Variants in SLC25A26 observed in about 807,000 individuals in gnomAD.
SLC25A26 encodes solute carrier family 25 member 26.
A neutral mutation model predicts 37.8 loss-of-function variants in SLC25A26; 36 were observed. That is an observed-to-expected ratio of 0.95 (90% CI 0.73 to 1.26). SLC25A26 has a LOEUF of 1.26. Among genes scored for constraint, SLC25A26 ranks in the 50% most tolerant of loss-of-function variants. The probability of loss-of-function intolerance (pLI) is 0.00; values close to 1 mark genes in which losing one functional copy is unlikely to be tolerated. For synonymous variants in SLC25A26, 129 were observed against 122.5 expected (o/e 1.05, Z -0.35); for missense variants, 390 against 331.1 (o/e 1.18, Z -1.38).
At chr3:66,285,949 G>C (rs1397301431) in intron 5 of SLC25A26, among the ~76,000 whole-genome samples, 2 of 152,166 alleles carry the variant, frequency 1.3e-5, no homozygotes, top group African/African-American at 4.8e-5. Context: ...TTAATTTTCA[G>C]TTCCCTAATG....
chr3:66,247,643 A>C (rs782154785), intron 3 of SLC25A26, among the ~76,000 whole-genome samples: 2 of 152,310 alleles, frequency 1.3e-5, no homozygotes, highest in Non-Finnish European at 2.9e-5. Context: ...AAATTCAGTT[A>C]TGGTTTAGTA....
chr3:66,157,657 G>A (rs1352724463), intron 1 of SLC25A26, among the ~76,000 whole-genome samples: 1 of 152,142 alleles, frequency 6.6e-6, no homozygotes, highest in Non-Finnish European at 1.5e-5. Context: ...GTGACTCTGA[G>A]CCCTATCTCT....
intron 5 of SLC25A26, among the ~76,000 whole-genome samples, chr3:66,272,759 C>T (rs994335350): frequency 1.3e-5 from 2 of 152,162 alleles, no homozygotes; most frequent in African/African-American, 4.8e-5. Flanking sequence ...TTGACTTCCT[C>T]TCTTCCTATT....
intron 1 of SLC25A26, among the ~76,000 whole-genome samples, chr3:66,202,215 C>T (rs925321716): frequency 1.1e-4 from 16 of 152,110 alleles, no homozygotes; most frequent in African/African-American, 3.9e-4. Context: ...TTTGCAGGGA[C>T]ATGGATAAAG....
At chr3:66,208,872 A>G (rs1416887819) in intron 1 of SLC25A26, among the ~76,000 whole-genome samples, 4,933 of 48,258 alleles carry the variant, frequency 0.1, 441 homozygotes, top group African/African-American at 0.2. Context: ...GGGTGTGTGT[A>G]TATATATATA....
At chr3:66,294,680 A>G (rs551868641) in intron 5 of SLC25A26, among the ~76,000 whole-genome samples, 2 of 152,348 alleles carry the variant, frequency 1.3e-5, no homozygotes, top group South Asian at 4.1e-4. Context: ...TATCAGCATT[A>G]AATAGAACTT....
At chr3:66,180,982 A>G (rs948908236) in intron 1 of SLC25A26, among the ~76,000 whole-genome samples, 2 of 152,212 alleles carry the variant, frequency 1.3e-5, no homozygotes, top group East Asian at 1.9e-4. Flanking sequence ...GAAAAAGGCC[A>G]TGGGAGGACA....
chr3:66,292,903 C>T (rs1270054680), intron 5 of SLC25A26, among the ~76,000 whole-genome samples: 2 of 152,136 alleles, frequency 1.3e-5, no homozygotes, highest in African/African-American at 2.4e-5. Flanking sequence ...TCCATTCTCC[C>T]CGTCACTTTG....
chr3:66,245,266 AAC>A (rs908451426), intron 3 of SLC25A26, among the ~76,000 whole-genome samples: 40 of 150,294 alleles, frequency 2.7e-4, no homozygotes, highest in African/African-American at 8.2e-4. Context: ...AAAAAAAAAA[AAC>A]AAAACCTCAA....
intron 5 of SLC25A26, among the ~76,000 whole-genome samples, chr3:66,289,828 A>G (rs541874870): frequency 6.6e-6 from 1 of 152,324 alleles, no homozygotes; most frequent in South Asian, 2.1e-4. Flanking sequence ...TATGAAATTT[A>G]AAGTAGTTTT....
At chr3:66,182,719 G>GCC (rs2070738140) in intron 1 of SLC25A26, among the ~76,000 whole-genome samples, 1 of 35,942 alleles carries the variant, frequency 2.8e-5, no homozygotes, top group Admixed American at 1.8e-4. Flanking sequence ...TGGGCGGCGG[G>GCC]GGGGGGGGGT....
chr3:66,167,887 C>T (rs1013069160), intron 1 of SLC25A26, among the ~76,000 whole-genome samples: 8 of 152,070 alleles, frequency 5.3e-5, no homozygotes, highest in East Asian at 1.9e-4. Flanking sequence ...GGTGCAGTGG[C>T]TCATGCCTGT....
At chr3:66,338,227 A>G (rs957820042) in intron 5 of SLC25A26, among the ~76,000 whole-genome samples, 2 of 151,954 alleles carry the variant, frequency 1.3e-5, no homozygotes, top group African/African-American at 2.4e-5. Context: ...ATACACCACA[A>G]TTTGTTTAGC....
At chr3:66,225,290 C>T (rs1423157936) in intron 1 of SLC25A26, among the ~76,000 whole-genome samples, 1 of 152,190 alleles carries the variant, frequency 6.6e-6, no homozygotes, top group African/African-American at 2.4e-5. Flanking sequence ...CAGAGGTTCC[C>T]AAAGCTCAGT....
chr3:66,327,566 A>G (rs2075868937), intron 5 of SLC25A26, among the ~76,000 whole-genome samples: 1 of 152,170 alleles, frequency 6.6e-6, no homozygotes, highest in Non-Finnish European at 1.5e-5. Context: ...AACTGTATTC[A>G]TTGCAATGTA....
chr3:66,227,526 A>C (rs1225814770), intron 1 of SLC25A26, among the ~76,000 whole-genome samples: 1 of 152,222 alleles, frequency 6.6e-6, no homozygotes, highest in Non-Finnish European at 1.5e-5. Context: ...TGAAGTTTAC[A>C]CTTTATCCAG....
rs58312800 is a variant in SLC25A26, at chr3:66,315,080, ATTTT to A, written c.454-31270_454-31267del. Among the ~76,000 whole-genome samples, 481 of 119,328 alleles carry A rather than the reference ATTTT, an allele frequency of 4.0e-3. 5 individuals carry two copies. The highest frequency in any genetic ancestry group is 0.013 in the African/African-American group (426 of 32,788). The allele number at this position is 119,328 out of a possible 152,430, so 78.3% of individuals were successfully genotyped here. ...TAAAAACTAGCTCCTGGATTCTTTG[ATTTT>A]TTTTTTTTTTTTTGAAGGGTTTTTC... On this transcript the variant is annotated intron_variant, in intron 5 of 9. Coordinates refer to ENST00000354883, the MANE Select transcript of SLC25A26 (RefSeq NM_001379210.1).
At chr3:66,248,060 G>C (rs1680396) in intron 3 of SLC25A26, among the ~76,000 whole-genome samples, 65,988 of 152,068 alleles carry the variant, frequency 0.43, 15,316 homozygotes, top group African/African-American at 0.58. Flanking sequence ...TAGACAGATT[G>C]GTTAGAAACA....
chr3:66,209,901 TATATATATATATATATATATATA>T lies in SLC25A26; in HGVS notation c.-353-10840_-353-10818del, dbSNP rs2071258599. Among the ~76,000 whole-genome samples, 29 of 14,484 alleles carry T rather than the reference TATATATATATATATATATATATA, an allele frequency of 2.0e-3. 1 individual carries two copies. The highest frequency in any genetic ancestry group is 6.3e-3 in the South Asian group (2 of 316). 9.5% of individuals were successfully genotyped at this position (14,484 alleles called of 152,430 possible). ...ACTCCTCTCTCTCTCTCTCTATTTA[TATATATATATATATATATATATA>T]TATATATATATATATATATATATGC... On this transcript the variant is annotated intron_variant, in intron 1 of 10. Coordinates refer to the SLC25A26 transcript ENST00000676754.
Sources: allele counts gnomAD v4.1 joint callset (sites outside exome capture counted in the v4.1 genomes callset), GRCh38; gene constraint gnomAD v4.1.1; transcripts MANE v1.5; gene names NCBI Gene and HGNC (gene_info 2026-07-23, HGNC 2026-07-21).